The following A2ML1 variants were observed in gnomAD, a reference collection of about 807,000 sequenced individuals.
The protein encoded by A2ML1 is alpha-2-macroglobulin-like protein 1.
A2ML1 carries 161 observed loss-of-function variants against 181.9 expected under a neutral mutation model. That is an observed-to-expected ratio of 0.89 (90% CI 0.78 to 1.01). The LOEUF is 1.01. Among genes scored for constraint, A2ML1 ranks in the 50% least tolerant of loss-of-function variants. A2ML1 has a pLI of 0.00. For missense variants in A2ML1, 1,670 were observed against 1,768.1 expected, an observed-to-expected ratio of 0.94 and a Z score of 1.00; for synonymous variants, 663 against 666.8, an observed-to-expected ratio of 0.99 and a Z score of 0.09.
At chr12:8,869,587 T>C (rs113093662) in intron 33 of A2ML1, among the ~76,000 whole-genome samples, 33 of 152,334 alleles carry the variant, frequency 2.2e-4, no homozygotes, top group Non-Finnish European at 4.4e-4. Flanking sequence ...CTTTTTTTTT[T>C]TCTGTACCAC....
chr12:8,854,913 GA>G (rs1312257661), intron 22 of A2ML1, 82 bp downstream of exon 22: 2 of 681,682 alleles, frequency 2.9e-6, no homozygotes, highest in African/African-American at 7.3e-5. Context: ...TTTTTTTTTT[GA>G]GACGGAGTCT....
chr12:8,876,427 AC>A lies in A2ML1; in HGVS notation c.*372del, dbSNP rs1944802266. On this transcript the variant is annotated 3_prime_UTR_variant, in exon 36 of 36. Coordinates refer to ENST00000299698, the MANE Select transcript of A2ML1 (RefSeq NM_144670.6). ...GGTGGCTCACGCCTGTAATCCCAGC[AC>A]TTTGGGATTGCGAGGTGGGCGGATC... The A allele has an allele frequency of 6.6e-6, 1 of 152,330 alleles. No individual in the cohort carries two copies. The highest frequency in any genetic ancestry group is 6.5e-5 in the Admixed American group (1 of 15,280). The allele number at this position is 152,330 out of a possible 1,614,324, so 9.4% of individuals were successfully genotyped here.
At chr12:8,856,446 A>G (rs11047617) in intron 23 of A2ML1, among the ~76,000 whole-genome samples, 5,246 of 152,274 alleles carry the variant, frequency 0.034, 320 homozygotes, top group African/African-American at 0.12. Flanking sequence ...TATAGATTGA[A>G]TTGAGCTTGT....
chr12:8,885,388 G>T lies in A2ML1; in HGVS notation c.*95-1119G>T, dbSNP rs112957973. Among the ~76,000 whole-genome samples, 1,156 of 152,048 alleles carry T rather than the reference G, an allele frequency of 7.6e-3. 12 individuals carry two copies. Among genetic ancestry groups the T allele is most frequent in the African/African-American group, 0.027 (1,109 of 41,472 alleles). On this transcript the variant is annotated intron_variant and NMD_transcript_variant, in intron 7 of 7. Coordinates refer to the A2ML1 transcript ENST00000537475. The stretch of plus-strand genomic sequence containing the variant: ...AAATCAAAATCAAAATAAAGAGAAA[G>T]AAATCTTTACTTCAGGGTCAAAAAA...
chr12:8,841,251 T>G (rs1943469446), intron 10 of A2ML1, 118 bp from the exon 11 acceptor site: 1 of 839,316 alleles, frequency 1.2e-6, no homozygotes, highest in Non-Finnish European at 1.8e-6. Flanking sequence ...AGAAATTCTG[T>G]TATTACTTTT....
At position 8,847,565 on chromosome 12, in the gene A2ML1, C is replaced by G. The variant is rs755372781; in HGVS notation, c.1700C>G (p.Ser567Cys). 1.2e-6 allele frequency: 2 copies of G among 1,610,722 alleles called. No individual in the cohort carries two copies. Among genetic ancestry groups the G allele is most frequent in the Non-Finnish European group, 1.7e-6 (2 of 1,178,754 alleles). ...CTTCCCCAGGTTTCCCTTGGCTTCTCCCCCTCCCAGCAGCTTCCAGGAGCA... is the reference window on the plus strand; with the variant it reads ...CTTCCCCAGGTTTCCCTTGGCTTCTGCCCCTCCCAGCAGCTTCCAGGAGCA... ...CFDNQVSLGFSPSQQLPGAEV... is the reference protein window; with the variant it reads ...CFDNQVSLGFCPSQQLPGAEV... The change falls in exon 15 of 36, where the codon TCC becomes TGC. Residue 567 changes from serine (S) to cysteine (C), a missense_variant. Physicochemically the swap from Ser to Cys is moderately radical, Grantham distance 112. Coordinates refer to ENST00000299698, the MANE Select transcript of A2ML1 (RefSeq NM_144670.6).
intron 21 of A2ML1, among the ~76,000 whole-genome samples, chr12:8,854,503 C>T (rs1353596853): frequency 6.6e-6 from 1 of 152,218 alleles, no homozygotes; most frequent in Non-Finnish European, 1.5e-5. Context: ...TCAATAGCTG[C>T]CTTTTTCGTC....
rs759677899 is a variant in A2ML1, at chr12:8,837,606, G to T, written c.855+40G>T. The T allele has an allele frequency of 3.2e-6, 5 of 1,582,696 alleles. No individual in the cohort carries two copies. The African/African-American group carries it at 5.4e-5, about 17-fold the overall frequency. On this transcript the variant is annotated intron_variant, in intron 8 of 35. Coordinates refer to ENST00000299698, the MANE Select transcript of A2ML1 (RefSeq NM_144670.6). The stretch of plus-strand genomic sequence containing the variant: ...GGTTAAAAAGGAACCTATCGGCCAG[G>T]CACGGTGGCTCACGCCTGTCATCCC...
chr12:8,864,204 T>G (rs1761300209), intron 29 of A2ML1, among the ~76,000 whole-genome samples, 196 bp downstream of exon 29: 1 of 151,876 alleles, frequency 6.6e-6, no homozygotes, highest in Non-Finnish European at 1.5e-5. Context: ...AATTTTCTTT[T>G]TTTTTTTGTT....
chr12:8,851,463 TG>T (rs1259673854), intron 18 of A2ML1, among the ~76,000 whole-genome samples: 1 of 151,804 alleles, frequency 6.6e-6, no homozygotes, highest in Non-Finnish European at 1.5e-5. Flanking sequence ...TGGAGTGCAG[TG>T]GTGCAATCAT....
intron 33 of A2ML1, 121 bp from the exon 34 acceptor site, chr12:8,874,304 C>T (rs1944727633): frequency 2.8e-6 from 2 of 704,620 alleles, no homozygotes; most frequent in Admixed American, 2.4e-5. Context: ...GCATGAGCCA[C>T]CGTGCCTGGC....
chr12:8,837,032 C>CT lies in A2ML1; in HGVS notation c.729-400dup, dbSNP rs988644966. Among the ~76,000 whole-genome samples, 10 of 151,690 alleles carry CT rather than the reference C, an allele frequency of 6.6e-5. No individual in the cohort carries two copies. In the East Asian group the frequency reaches 9.8e-4, roughly 15 times the overall value. On this transcript the variant is annotated intron_variant, in intron 7 of 35. Coordinates refer to ENST00000299698, the MANE Select transcript of A2ML1 (RefSeq NM_144670.6). ...TAGGATTGTCAGAGCTTGCTTTCTTCTTTTTTTTGAGACAGAGTCTCTGTC... is the reference window on the plus strand; with the variant it reads ...TAGGATTGTCAGAGCTTGCTTTCTTCTTTTTTTTTGAGACAGAGTCTCTGTC...
At chr12:8,839,364 A>C in intron 10 of A2ML1, 142 bp downstream of exon 10, 1 of 552,614 alleles carries the variant, frequency 1.8e-6, no homozygotes, top group South Asian at 2.1e-5. Flanking sequence ...AGAATAATGC[A>C]ATGAGGCAGG....
intron 7 of A2ML1, among the ~76,000 whole-genome samples, chr12:8,882,020 AAAG>A (rs1944876999): frequency 6.6e-6 from 1 of 152,074 alleles, no homozygotes; most frequent in African/African-American, 2.4e-5. Flanking sequence ...CAAAAAAAAA[AAAG>A]AAAAAAGTTT....
Position 8,823,804 on chromosome 12 carries a change from A to G in A2ML1, c.331A>G (p.Lys111Glu). 1 of 1,614,116 alleles carries G rather than the reference A, an allele frequency of 6.2e-7. No individual in the cohort carries two copies. Among genetic ancestry groups the G allele is most frequent in the Non-Finnish European group, 8.5e-7 (1 of 1,180,010 alleles). ...AAATAACATCAGCTTTGAGGAGAAG[A>G]AAAAGGTTCTAATTCAGAGGCAGGG... ...VGNNISFEEK[K>E]KVLIQRQGNG... Residue 111 changes from lysine (K) to glutamate (E), a missense_variant, in exon 3 of 36, where the codon AAA becomes GAA. Coordinates refer to ENST00000299698, the MANE Select transcript of A2ML1 (RefSeq NM_144670.6).
intron 3 of A2ML1, among the ~76,000 whole-genome samples, chr12:8,824,955 G>A (rs1942881784): frequency 6.6e-6 from 1 of 152,240 alleles, no homozygotes; most frequent in Non-Finnish European, 1.5e-5. Context: ...ACTCCATTAT[G>A]TATGTGTACC....
chr12:8,866,524 G>A (rs2136952279), intron 29 of A2ML1, among the ~76,000 whole-genome samples: 1 of 152,040 alleles, frequency 6.6e-6, no homozygotes, highest in South Asian at 2.1e-4. Flanking sequence ...TCAGTGACAG[G>A]TATATGTCAG....
chr12:8,826,923 G>C lies in A2ML1; in HGVS notation c.410-2804G>C, dbSNP rs534174855. Among the ~76,000 whole-genome samples, 218 of 152,178 alleles carry C rather than the reference G, an allele frequency of 1.4e-3. 5 individuals are homozygous for C. The South Asian group carries it at 0.044, about 31-fold the overall frequency. On this transcript the variant is annotated intron_variant, in intron 3 of 35. Coordinates refer to ENST00000299698, the MANE Select transcript of A2ML1 (RefSeq NM_144670.6). ...CGTAAGCCACCACGTCTGTCTTCTTGCACTTTTAGGATTCTTTTTTGTTTT... is the reference window on the plus strand; with the variant it reads ...CGTAAGCCACCACGTCTGTCTTCTTCCACTTTTAGGATTCTTTTTTGTTTT...
chr12:8,869,076 G>A (rs934944968), intron 32 of A2ML1, 59 bp from the exon 33 acceptor site: 25 of 1,548,904 alleles, frequency 1.6e-5, no homozygotes, highest in Non-Finnish European at 2.1e-5. Flanking sequence ...AGCTTTGGAA[G>A]ACTACCCCAG....
Sources: gnomAD v4.1 joint callset for allele counts (sites outside exome capture counted in the v4.1 genomes callset) on GRCh38, gnomAD v4.1.1 for gene constraint, MANE v1.5 for transcripts, NCBI Gene and HGNC (gene_info 2026-07-23, HGNC 2026-07-21) for gene names.